Variants in ATF7 observed in about 807,000 individuals in gnomAD.
ATF7 encodes activating transcription factor 7.
A neutral mutation model predicts 50.4 loss-of-function variants in ATF7; 10 were observed. That is an observed-to-expected ratio of 0.20 (90% CI 0.12 to 0.34). ATF7 has a LOEUF of 0.34. Among genes scored for constraint, ATF7 ranks in the 10% least tolerant of loss-of-function variants. The pLI is 1.00. For synonymous variants in ATF7, 201 were observed against 226.4 expected (o/e 0.89, Z 1.01); for missense variants, 465 against 613.9 (o/e 0.76, Z 2.56).
intron 1 of ATF7, among the ~76,000 whole-genome samples, chr12:53,623,578 A>T (rs1944487862): frequency 6.6e-6 from 1 of 152,340 alleles, no homozygotes; most frequent in South Asian, 2.1e-4. Flanking sequence ...AGTCTCAAGA[A>T]AAGAGCTAGC....
chr12:53,610,465 T>G (rs1026220912), intron 1 of ATF7, among the ~76,000 whole-genome samples: 1 of 148,852 alleles, frequency 6.7e-6, no homozygotes, highest in Non-Finnish European at 1.5e-5. Flanking sequence ...CTTGGGAGGG[T>G]GAGGTGGGAG....
intron 2 of ATF7, among the ~76,000 whole-genome samples, chr12:53,576,512 G>C (rs1457893590): frequency 3.9e-5 from 6 of 152,126 alleles, no homozygotes; most frequent in African/African-American, 1.4e-4. Context: ...CAAAAGATTT[G>C]GCATCACTTT....
At chr12:53,508,391 G>A (rs150749561), downstream of ATF7, among the ~76,000 whole-genome samples, 1,258 of 151,110 alleles carry the variant, frequency 8.3e-3, 19 homozygotes, top group African/African-American at 0.029. Flanking sequence ...GTGAAACCCT[G>A]TCTACTAAAA....
intron 3 of ATF7, among the ~76,000 whole-genome samples, chr12:53,548,641 T>C (rs769474203): frequency 3.3e-5 from 5 of 152,184 alleles, no homozygotes; most frequent in Admixed American, 6.5e-5. Flanking sequence ...CTGAGAATGC[T>C]TTCTAGTTGA....
At position 53,523,211 on chromosome 12, in the gene ATF7, G is replaced by T. The variant is rs1938231165; in HGVS notation, c.1234+65C>A. 16 of 1,185,342 alleles carry T rather than the reference G, an allele frequency of 1.3e-5. No individual in the cohort carries two copies. The East Asian group carries it at 3.7e-4, about 28-fold the overall frequency. 73.4% of individuals were successfully genotyped at this position (1,185,342 alleles called of 1,614,324 possible). A position where few individuals can be genotyped will look rare whatever the true frequency, so the allele number is the denominator to read the frequency against. On this transcript the variant is annotated intron_variant, in intron 11 of 11. Transcript: ENST00000420353. ...GAATGGAGTTATAAAATTATAAGCA[G>T]TTGAGACACTCAGTACATGCAGTTT... is the stretch of plus-strand genomic sequence containing the variant.
intron 2 of ATF7, among the ~76,000 whole-genome samples, chr12:53,594,513 A>G (rs995873878): frequency 2.0e-5 from 3 of 152,248 alleles, no homozygotes; most frequent in Non-Finnish European, 4.4e-5. Flanking sequence ...CATGTTTCTA[A>G]GGGCAAGTGT....
At chr12:53,625,036 G>T (rs1944549214) in intron 1 of ATF7, among the ~76,000 whole-genome samples, 2 of 152,142 alleles carry the variant, frequency 1.3e-5, no homozygotes, top group African/African-American at 4.8e-5. Flanking sequence ...CTACACACCT[G>T]TACTTAATAT....
intron 2 of ATF7, among the ~76,000 whole-genome samples, chr12:53,569,257 C>G (rs1308791330): frequency 1.3e-5 from 2 of 152,234 alleles, no homozygotes; most frequent in Non-Finnish European, 2.9e-5. Context: ...TCATAGTGAT[C>G]CAACACAGAA....
intron 2 of ATF7, among the ~76,000 whole-genome samples, chr12:53,554,565 C>A (rs900212047): frequency 1.3e-5 from 2 of 151,724 alleles, no homozygotes; most frequent in Non-Finnish European, 2.9e-5. Context: ...TCCAGTGAGA[C>A]CCTTTCTCAA....
At chr12:53,578,288 C>T (rs1592916563) in intron 2 of ATF7, among the ~76,000 whole-genome samples, 2 of 144,138 alleles carry the variant, frequency 1.4e-5, no homozygotes, top group South Asian at 2.2e-4. Context: ...GTGGGAGGAT[C>T]GCTTAAGCCC....
intron 1 of ATF7, among the ~76,000 whole-genome samples, chr12:53,611,918 G>GA (rs1207699911): frequency 1.3e-5 from 2 of 151,330 alleles, no homozygotes; most frequent in Non-Finnish European, 1.5e-5. Context: ...TTCAACGGTT[G>GA]AAAAAAAATC....
chr12:53,511,625 T>C (rs1446611670), downstream of ATF7, among the ~76,000 whole-genome samples: 1 of 152,196 alleles, frequency 6.6e-6, no homozygotes, highest in African/African-American at 2.4e-5. Context: ...AGCTATACTT[T>C]CCGTCTTTGT....
intron 2 of ATF7, among the ~76,000 whole-genome samples, chr12:53,597,322 C>A (rs1300911631): frequency 6.6e-6 from 1 of 152,012 alleles, no homozygotes; most frequent in East Asian, 1.9e-4. Context: ...GTTTACGTAT[C>A]CATTGAAAGC....
intron 9 of ATF7, among the ~76,000 whole-genome samples, chr12:53,525,507 A>G (rs2137343671): frequency 6.6e-6 from 1 of 152,326 alleles, no homozygotes. Context: ...ACATACTATT[A>G]CAGGTTTCAG....
intron 1 of ATF7, among the ~76,000 whole-genome samples, chr12:53,618,803 G>C (rs1446054540): frequency 6.6e-6 from 1 of 152,128 alleles, no homozygotes; most frequent in Non-Finnish European, 1.5e-5. Context: ...TGTAATCCCA[G>C]CACTTTGGGA....
At chr12:53,618,416 A>G (rs1043913179) in intron 1 of ATF7, among the ~76,000 whole-genome samples, 2 of 152,218 alleles carry the variant, frequency 1.3e-5, no homozygotes, top group Admixed American at 1.3e-4. Context: ...TAATATGCAC[A>G]TTCATTCACG....
At chr12:53,576,473 G>T (rs1014616101) in intron 2 of ATF7, among the ~76,000 whole-genome samples, 3 of 152,146 alleles carry the variant, frequency 2.0e-5, no homozygotes, top group African/African-American at 7.2e-5. Flanking sequence ...TTCATGAATG[G>T]CATTAGGTAC....
At chr12:53,616,532 T>C (rs1320418548) in intron 1 of ATF7, among the ~76,000 whole-genome samples, 3 of 152,190 alleles carry the variant, frequency 2.0e-5, no homozygotes, top group South Asian at 2.1e-4. Context: ...TACACTTTCA[T>C]AGACTTTCAT....
In ATF7 at chr12:53,582,563, A is replaced by G. The variant is rs116224530; in HGVS notation, c.48+18390T>C. On this transcript the variant is annotated intron_variant, in intron 2 of 11. Coordinates refer to ENST00000420353, the MANE Select transcript of ATF7 (RefSeq NM_006856.3). ...TACTAGAAAAAGAATAGACACATAAATTACTATATATATTTTATTTATTTA... is the reference window on the plus strand; with the variant it reads ...TACTAGAAAAAGAATAGACACATAAGTTACTATATATATTTTATTTATTTA... 1.9e-3 allele frequency among the ~76,000 whole-genome samples: 287 copies of G among 152,054 alleles called. 2 individuals are homozygous for G. Among genetic ancestry groups the G allele is most frequent in the African/African-American group, 6.0e-3 (249 of 41,496 alleles).
Sources: allele counts gnomAD v4.1 joint callset (sites outside exome capture counted in the v4.1 genomes callset), GRCh38; gene constraint gnomAD v4.1.1; transcripts MANE v1.5; gene names NCBI Gene and HGNC (gene_info 2026-07-23, HGNC 2026-07-21).